The following MARCHF5 variants were observed in gnomAD, a reference collection of about 807,000 sequenced individuals.
MARCHF5 encodes E3 ubiquitin-protein ligase MARCHF5.
MARCHF5 carries 5 observed loss-of-function variants against 36.5 expected under a neutral mutation model. The ratio of observed to expected loss-of-function variants is 0.14; its 90% CI spans 0.07 to 0.29. The LOEUF (loss-of-function observed/expected upper bound fraction) is 0.29, where lower values mean the gene tolerates loss of function less well. MARCHF5 is among the 10% of genes least tolerant of loss of function. The pLI is 1.00. For synonymous variants in MARCHF5, 103 were observed against 109.9 expected (o/e 0.94, Z 0.39); for missense variants, 179 against 336.3 (o/e 0.53, Z 3.66).
At chr10:92,307,212 TGCGC>T (rs61157486) in intron 1 of MARCHF5, among the ~76,000 whole-genome samples, 2 of 41,562 alleles carry the variant, frequency 4.8e-5, no homozygotes, top group Admixed American at 3.7e-4. Flanking sequence ...TGTGTGTGTG[TGCGC>T]GTGCATGCAC....
intron 2 of MARCHF5, among the ~76,000 whole-genome samples, chr10:92,331,927 A>AATCGTATATATATG (rs1843441100): frequency 2.1e-5 from 3 of 146,122 alleles, no homozygotes; most frequent in African/African-American, 7.5e-5. Context: ...AATCATATAT[A>AATCGTATATATATG]TGTATATATA....
At chr10:92,333,155 C>T (rs988921155) in intron 2 of MARCHF5, among the ~76,000 whole-genome samples, 6 of 124,586 alleles carry the variant, frequency 4.8e-5, no homozygotes, top group Middle Eastern at 7.6e-3. Flanking sequence ...AGTAAATCTC[C>T]GTCTTGCCAA....
At chr10:92,307,175 C>CTGTGTGTGTGTGTGTGTGTG (rs376178460) in intron 1 of MARCHF5, among the ~76,000 whole-genome samples, 1 of 121,812 alleles carries the variant, frequency 8.2e-6, no homozygotes, top group African/African-American at 3.0e-5. Flanking sequence ...AAGAAAACAT[C>CTGTGTGTGTGTGTGTGTGTG]TGTGTGTGTG....
intron 1 of MARCHF5, among the ~76,000 whole-genome samples, chr10:92,300,631 C>T (rs890355717): frequency 6.6e-6 from 1 of 152,190 alleles, no homozygotes. Context: ...TTTTTAAAGC[C>T]TTTCTTCTCT....
intron 3 of MARCHF5, among the ~76,000 whole-genome samples, chr10:92,346,286 T>C (rs1843643203): frequency 6.6e-6 from 1 of 152,078 alleles, no homozygotes; most frequent in Non-Finnish European, 1.5e-5. Context: ...TTGTTTGGTT[T>C]GATTTTCTCT....
Position 92,353,963 on chromosome 10 carries a change from T to C in MARCHF5, c.*2756T>C, listed in dbSNP as rs1843750753. 1 of 152,632 alleles carries C rather than the reference T, an allele frequency of 6.6e-6. No homozygotes were observed. Among genetic ancestry groups the C allele is most frequent in the African/African-American group, 2.4e-5 (1 of 41,452 alleles). 9.5% of individuals were successfully genotyped at this position (152,632 alleles called of 1,614,324 possible). A position where few individuals can be genotyped will look rare whatever the true frequency, so the allele number is the denominator to read the frequency against. ...TAGGTTAAATAAAGAATTTTTATGTTCTCTAGGTGTACTTTGTTAAATCTC... is the reference window on the plus strand; with the variant it reads ...TAGGTTAAATAAAGAATTTTTATGTCCTCTAGGTGTACTTTGTTAAATCTC... On this transcript the variant is annotated 3_prime_UTR_variant, in exon 6 of 6. Coordinates refer to ENST00000358935, the MANE Select transcript of MARCHF5 (RefSeq NM_017824.5).
chr10:92,294,922 C>G (rs1304973828), intron 1 of MARCHF5, among the ~76,000 whole-genome samples: 1 of 152,002 alleles, frequency 6.6e-6, no homozygotes, highest in Non-Finnish European at 1.5e-5. Flanking sequence ...GCCTGTGGTC[C>G]CAAATATTCA....
At chr10:92,295,403 A>ATTTT (rs1218569309) in intron 1 of MARCHF5, among the ~76,000 whole-genome samples, 127 of 67,596 alleles carry the variant, frequency 1.9e-3, no homozygotes, top group Non-Finnish European at 3.2e-3. Flanking sequence ...TTATTTATTT[A>ATTTT]TTTATTTTTT....
chr10:92,318,916 A>G (rs1265342947), intron 2 of MARCHF5, among the ~76,000 whole-genome samples: 1 of 152,068 alleles, frequency 6.6e-6, no homozygotes, highest in Non-Finnish European at 1.5e-5. Flanking sequence ...CATGTTGGCC[A>G]GGCTGGTCTC....
chr10:92,349,709 A>C lies in MARCHF5; in HGVS notation c.592A>C (p.Asn198His). 6.2e-7 allele frequency: 1 copy of C among 1,614,148 alleles called. No individual in the cohort carries two copies. Among genetic ancestry groups the C allele is most frequent in the Non-Finnish European group, 8.5e-7 (1 of 1,180,024 alleles). ...CPVPRIPAEA[N>H]PLADHVSATR... ...TGTTCCTCGAATTCCAGCTGAGGCC[A>C]ATCCTTTAGCAGATCATGTCTCTGC... Residue 198 changes from asparagine to histidine, a missense_variant, in exon 5 of 6, where the codon AAT (asparagine) becomes CAT (histidine). Physicochemically the swap from Asn to His is moderately conservative, Grantham distance 68. Coordinates refer to ENST00000358935, the MANE Select transcript of MARCHF5 (RefSeq NM_017824.5).
chr10:92,298,927 C>T (rs1337207241), intron 1 of MARCHF5, among the ~76,000 whole-genome samples: 1 of 152,052 alleles, frequency 6.6e-6, no homozygotes, highest in Non-Finnish European at 1.5e-5. Flanking sequence ...GCTCAAGCCT[C>T]CCAAGTAGCT....
intron 1 of MARCHF5, among the ~76,000 whole-genome samples, chr10:92,299,928 G>C (rs1192970876): frequency 6.6e-6 from 1 of 152,124 alleles, no homozygotes; most frequent in Non-Finnish European, 1.5e-5. Context: ...TTGGGAGGCT[G>C]AGGCAGGAGG....
chr10:92,317,287 C>G (rs1166079074), intron 2 of MARCHF5, among the ~76,000 whole-genome samples: 1 of 152,100 alleles, frequency 6.6e-6, no homozygotes, highest in Non-Finnish European at 1.5e-5. Flanking sequence ...TTTGTAGAGA[C>G]AGGGTTTCAC....
intron 3 of MARCHF5, among the ~76,000 whole-genome samples, chr10:92,341,686 T>C (rs568164184): frequency 1.6e-4 from 25 of 151,608 alleles, no homozygotes; most frequent in Non-Finnish European, 3.5e-4. Flanking sequence ...ATTATTGAAA[T>C]CAAACTTGTC....
At chr10:92,308,033 T>C (rs1422243266) in intron 1 of MARCHF5, among the ~76,000 whole-genome samples, 1 of 151,434 alleles carries the variant, frequency 6.6e-6, no homozygotes, top group African/African-American at 2.4e-5. Context: ...CTCTGCCTCC[T>C]GGGTTCACAC....
At chr10:92,334,847 T>A (rs1280282539) in intron 2 of MARCHF5, among the ~76,000 whole-genome samples, 1 of 152,198 alleles carries the variant, frequency 6.6e-6, no homozygotes, top group African/African-American at 2.4e-5. Context: ...AAACTTGAAT[T>A]TACCCAGAAT....
In MARCHF5 at chr10:92,300,201, C is replaced by T. The variant is rs1431500806; in HGVS notation, c.35+8672C>T. Among the ~76,000 whole-genome samples the T allele has an allele frequency of 2.6e-5, 4 of 150,944 alleles. 1 individual carries two copies. The East Asian group carries it at 5.8e-4, about 22-fold the overall frequency. On this transcript the variant is annotated intron_variant, in intron 1 of 5. Coordinates refer to ENST00000358935, the MANE Select transcript of MARCHF5 (RefSeq NM_017824.5). ...AAAAGAAAAGAAAAAAAGATCTGGC[C>T]GGGCTCAGTGGCTCATGCCTGTAAT... is the stretch of plus-strand genomic sequence containing the variant.
At chr10:92,295,938 C>T (rs958754954) in intron 1 of MARCHF5, among the ~76,000 whole-genome samples, 8 of 150,970 alleles carry the variant, frequency 5.3e-5, no homozygotes, top group East Asian at 2.0e-4. Context: ...GGCAGTGGCG[C>T]GATCTCGGTT....
intron 1 of MARCHF5, among the ~76,000 whole-genome samples, chr10:92,307,535 A>G (rs889627828): frequency 6.6e-6 from 1 of 152,122 alleles, no homozygotes; most frequent in African/African-American, 2.4e-5. Context: ...AGACTGGTCT[A>G]GGCAACATAA....
Sources: gnomAD v4.1 joint callset for allele counts (sites outside exome capture counted in the v4.1 genomes callset) on GRCh38, gnomAD v4.1.1 for gene constraint, MANE v1.5 for transcripts, NCBI Gene and HGNC (gene_info 2026-07-23, HGNC 2026-07-21) for gene names.